Variants in PAK3 observed in about 807,000 individuals in gnomAD.
PAK3 encodes the protein serine/threonine-protein kinase PAK 3.
In PAK3, 4 loss-of-function variants were observed where a neutral mutation model predicts 41.0. That is an observed-to-expected ratio of 0.10 (90% confidence interval 0.05 to 0.22). The LOEUF (loss-of-function observed/expected upper bound fraction) is 0.22. PAK3 is among the 10% of genes least tolerant of loss of function. PAK3 has a pLI of 1.00. For missense variants in PAK3, 205 were observed against 409.9 expected (o/e 0.50, Z 4.32); for synonymous variants, 146 against 139.6 (o/e 1.05, Z -0.32).
intron 16 of PAK3, among the ~76,000 whole-genome samples, chrX:111,206,762 C>T (rs749712412): frequency 9.9e-5 from 11 of 111,480 alleles, no homozygotes; most frequent in Non-Finnish European, 1.7e-4. Flanking sequence ...TGGAATACAG[C>T]GTTCATTATA....
At chrX:110,976,243 G>T (rs1369026689) in intron 1 of PAK3, among the ~76,000 whole-genome samples, 1 of 112,094 alleles carries the variant, frequency 8.9e-6, no homozygotes, top group Non-Finnish European at 1.9e-5. Flanking sequence ...AATCTGCAAA[G>T]AACTCAAACA....
At chrX:111,084,952 A>G (rs1440964499) in intron 1 of PAK3, among the ~76,000 whole-genome samples, 1 of 111,579 alleles carries the variant, frequency 9.0e-6, no homozygotes, top group Admixed American at 9.6e-5. Flanking sequence ...GGCCTAGTCC[A>G]TGTCTCTGGG....
intron 4 of PAK3, among the ~76,000 whole-genome samples, chrX:111,110,259 G>A (rs1450030057): frequency 2.7e-5 from 3 of 112,137 alleles, no homozygotes; most frequent in African/African-American, 9.7e-5. Flanking sequence ...TACTGGTGAC[G>A]TGATCACCCT....
intron 3 of PAK3, among the ~76,000 whole-genome samples, chrX:111,099,363 G>C (rs2093078476): frequency 9.0e-6 from 1 of 111,579 alleles, no homozygotes; most frequent in African/African-American, 3.3e-5. Flanking sequence ...AGCAATCTGT[G>C]CTAAACCCAG....
chrX:111,142,404 T>A (rs1394930811), intron 6 of PAK3, among the ~76,000 whole-genome samples: 2 of 112,639 alleles, frequency 1.8e-5, no homozygotes, highest in African/African-American at 6.4e-5. Flanking sequence ...TTTAAAAAAG[T>A]TTGATCACTG....
intron 1 of PAK3, among the ~76,000 whole-genome samples, chrX:110,959,131 G>A (rs1227664648): frequency 4.5e-5 from 5 of 111,783 alleles, no homozygotes; most frequent in Admixed American, 2.8e-4. Context: ...ACAGAAGAAT[G>A]GTCTCACGGG....
At chrX:111,152,470 T>C in intron 8 of PAK3, 23 bp downstream of exon 8, 1 of 1,054,717 alleles carries the variant, frequency 9.5e-7, no homozygotes. Context: ...TTGAAAACTG[T>C]TTCACATGAT....
chrX:111,025,283 A>G (rs1390853594), intron 1 of PAK3, among the ~76,000 whole-genome samples: 1 of 111,287 alleles, frequency 9.0e-6, no homozygotes, highest in Non-Finnish European at 1.9e-5. Flanking sequence ...AAGCAAAGAA[A>G]TAACGAAGAT....
At chrX:111,020,374 T>C (rs761090566) in intron 1 of PAK3, among the ~76,000 whole-genome samples, 1 of 111,773 alleles carries the variant, frequency 8.9e-6, no homozygotes, top group African/African-American at 3.2e-5. Context: ...GAAAGTAGAA[T>C]GGTGGTTTCC....
In PAK3 at chrX:111,210,067, C is replaced by T. The variant is rs1051132859; in HGVS notation, c.1408-6354C>T. ...ATATTTAGAGTTATTATGAAGAATTCGAGAACATCAGAAACTTCTAGGTAA... is the reference window on the plus strand; with the variant it reads ...ATATTTAGAGTTATTATGAAGAATTTGAGAACATCAGAAACTTCTAGGTAA... On this transcript the variant is annotated intron_variant, in intron 16 of 17. Transcript: ENST00000372007. Among the ~76,000 whole-genome samples, 8 of 111,613 alleles carry T rather than the reference C, an allele frequency of 7.2e-5. No individual in the cohort carries two copies. In the East Asian group the frequency reaches 2.0e-3, roughly 27 times the overall value.
At chrX:111,049,238 C>G (rs1463172284) in intron 1 of PAK3, among the ~76,000 whole-genome samples, 4 of 112,095 alleles carry the variant, frequency 3.6e-5, no homozygotes, top group Non-Finnish European at 5.6e-5. Flanking sequence ...AAAGTAGCCT[C>G]CCTTCCTTGC....
chrX:111,122,540 G>A (rs1316066927), intron 4 of PAK3, among the ~76,000 whole-genome samples: 3 of 110,693 alleles, frequency 2.7e-5, no homozygotes, highest in Non-Finnish European at 5.7e-5. Flanking sequence ...ATGGTTTCTC[G>A]GTTAATTATC....
intron 5 of PAK3, among the ~76,000 whole-genome samples, chrX:111,134,675 C>A (rs2093763685): frequency 9.0e-6 from 1 of 110,814 alleles, no homozygotes; most frequent in African/African-American, 3.3e-5. Flanking sequence ...TGAGGAGAGG[C>A]AATTATTCAA....
intron 1 of PAK3, among the ~76,000 whole-genome samples, chrX:111,082,420 G>T (rs1436345129): frequency 1.8e-5 from 2 of 111,641 alleles, no homozygotes; most frequent in Non-Finnish European, 3.8e-5. Flanking sequence ...CTTTATAAAG[G>T]TTCAAAAATG....
chrX:111,172,904 G>A (rs975465260), intron 10 of PAK3, 114 bp from the exon 11 acceptor site: 6 of 526,858 alleles, frequency 1.1e-5, no homozygotes, highest in African/African-American at 9.3e-5. Flanking sequence ...CACTGACTCT[G>A]GCATCTTAAT....
chrX:110,959,629 TCC>T (rs1408209225), intron 1 of PAK3, among the ~76,000 whole-genome samples: 1 of 111,396 alleles, frequency 9.0e-6, no homozygotes, highest in African/African-American at 3.3e-5. Context: ...TTAGAGCTAC[TCC>T]AGGTGATACT....
chrX:111,103,409 G>T (rs368999866), intron 4 of PAK3, 103 bp downstream of exon 4: 5 of 112,462 alleles, frequency 4.4e-5, no homozygotes, highest in African/African-American at 1.6e-4. Context: ...CCTAGACCTC[G>T]TGAGCTAGGC....
intron 1 of PAK3, among the ~76,000 whole-genome samples, chrX:111,038,723 A>T (rs2092424147): frequency 8.9e-6 from 1 of 112,439 alleles, no homozygotes; most frequent in Admixed American, 9.4e-5. Flanking sequence ...CTGTGACATG[A>T]GGATAATAAT....
chrX:111,168,303 G>C (rs755674151), intron 10 of PAK3, among the ~76,000 whole-genome samples: 31 of 111,804 alleles, frequency 2.8e-4, no homozygotes, highest in Non-Finnish European at 5.5e-4. Context: ...GTTCTGGTAG[G>C]AAATTGTTCT....
Sources: allele counts gnomAD v4.1 joint callset (sites outside exome capture counted in the v4.1 genomes callset), GRCh38; gene constraint gnomAD v4.1.1; transcripts MANE v1.5; gene names NCBI Gene and HGNC (gene_info 2026-07-23, HGNC 2026-07-21).